ZNF407: variants seen among roughly 807,000 people sequenced by gnomAD.
The protein encoded by ZNF407 is zinc finger protein 407.
A neutral mutation model predicts 131.2 loss-of-function variants in ZNF407; 17 were observed. The ratio of observed to expected loss-of-function variants is 0.13; its 90% confidence interval spans 0.09 to 0.19. ZNF407 has a LOEUF of 0.19. Among genes scored for constraint, ZNF407 ranks in the 10% least tolerant of loss-of-function variants. ZNF407 has a pLI of 1.00. For missense variants in ZNF407, 2,681 were observed against 2,830.6 expected (o/e 0.95, Z 1.20); for synonymous variants, 1,156 against 1,062.0 (o/e 1.09, Z -1.72).
chr18:75,002,775 A>C (rs1162569983), intron 8 of ZNF407, among the ~76,000 whole-genome samples: 1 of 147,914 alleles, frequency 6.8e-6, no homozygotes, highest in Admixed American at 6.9e-5. Context: ...ACTGCACTCC[A>C]GCCTGGGCAA....
intron 4 of ZNF407, among the ~76,000 whole-genome samples, chr18:74,859,059 C>T (rs190101277): frequency 5.3e-4 from 80 of 152,026 alleles, no homozygotes; most frequent in African/African-American, 1.8e-3. Context: ...TATTGTACTC[C>T]GCAGTGTACG....
chr18:74,881,247 C>A, intron 6 of ZNF407, 128 bp downstream of exon 6: 1 of 693,508 alleles, frequency 1.4e-6, no homozygotes, highest in South Asian at 2.2e-5. Context: ...TGAAGGTCTA[C>A]AGATAATTCC....
chr18:74,830,409 A>T (rs548895550), intron 4 of ZNF407, among the ~76,000 whole-genome samples: 41 of 152,092 alleles, frequency 2.7e-4, no homozygotes, highest in Non-Finnish European at 5.4e-4. Flanking sequence ...CAGCCCCCTG[A>T]GTAGCTGTGA....
At chr18:74,858,389 T>G (rs561433893) in intron 4 of ZNF407, among the ~76,000 whole-genome samples, 75 of 152,294 alleles carry the variant, frequency 4.9e-4, no homozygotes, top group African/African-American at 1.4e-3. Context: ...TTCAGCTGAT[T>G]GTATTTATAG....
At chr18:74,831,036 C>T (rs1297760352) in intron 4 of ZNF407, among the ~76,000 whole-genome samples, 2 of 152,162 alleles carry the variant, frequency 1.3e-5, no homozygotes, top group African/African-American at 4.8e-5. Flanking sequence ...ACTTTCTGTT[C>T]CTGGCTTATT....
chr18:74,858,738 G>A (rs901779916), intron 4 of ZNF407, among the ~76,000 whole-genome samples: 1 of 152,000 alleles, frequency 6.6e-6, no homozygotes, highest in Admixed American at 6.6e-5. Flanking sequence ...TAAACATATA[G>A]CAATAAATTT....
intron 3 of ZNF407, among the ~76,000 whole-genome samples, chr18:74,695,418 C>G (rs1182871472): frequency 6.6e-6 from 1 of 152,012 alleles, no homozygotes; most frequent in Non-Finnish European, 1.5e-5. Flanking sequence ...CAATAGCGTT[C>G]TGGTTAATGT....
intron 3 of ZNF407, among the ~76,000 whole-genome samples, chr18:74,722,554 C>G (rs1210539573): frequency 6.6e-6 from 1 of 152,056 alleles, no homozygotes; most frequent in Admixed American, 6.6e-5. Context: ...TTTCTTCCTC[C>G]CTTCCTCACC....
chr18:74,644,176 T>C (rs1374596268), intron 3 of ZNF407, among the ~76,000 whole-genome samples: 1 of 146,656 alleles, frequency 6.8e-6, no homozygotes, highest in African/African-American at 2.5e-5. Flanking sequence ...TTTGGGGGAA[T>C]CTTTTTTTTT....
At chr18:74,900,942 A>G (rs984847714) in intron 7 of ZNF407, among the ~76,000 whole-genome samples, 2 of 152,292 alleles carry the variant, frequency 1.3e-5, no homozygotes, top group African/African-American at 4.8e-5. Flanking sequence ...TTCTAGAAAT[A>G]TGTAATTCTC....
rs200033322 is a variant in ZNF407, at chr18:74,634,705, A to G, written c.3686A>G (p.His1229Arg). Residue 1229 changes from histidine to arginine, a missense_variant, in exon 2 of 9, where the codon CAT (histidine) becomes CGT (arginine). Physicochemically the swap from His to Arg is conservative, Grantham distance 29. Around this residue, in one of 6 missense-constraint regions of ZNF407, gnomAD observed 1,789 missense variants for 1,748.7 expected, o/e 1.02. Coordinates refer to ENST00000299687, the MANE Select transcript of ZNF407 (RefSeq NM_017757.3). ...AATGATGCAGGTGAGCTGCGTGTCC[A>G]TTGTGAGGGTGAAGGAGGAAACGCA... ...ISNDAGELRV[H>R]CEGEGGNAGD... 8.4e-5 allele frequency: 136 copies of G among 1,614,038 alleles called. No individual in the cohort carries two copies. In the East Asian group the frequency reaches 1.4e-3, roughly 17 times the overall value.
At chr18:74,731,514 G>A (rs1968293865) in intron 3 of ZNF407, among the ~76,000 whole-genome samples, 1 of 152,116 alleles carries the variant, frequency 6.6e-6, no homozygotes, top group South Asian at 2.1e-4. Flanking sequence ...GCCTGTTGAG[G>A]TTAAACCCAC....
intron 4 of ZNF407, among the ~76,000 whole-genome samples, chr18:74,866,522 A>G (rs1971012629): frequency 6.6e-6 from 1 of 152,100 alleles, no homozygotes; most frequent in Admixed American, 6.6e-5. Context: ...TCCATTCTAA[A>G]TCTAGCATAT....
intron 2 of ZNF407, among the ~76,000 whole-genome samples, chr18:74,637,527 T>G (rs1984517528): frequency 6.6e-6 from 1 of 152,022 alleles, no homozygotes; most frequent in Admixed American, 6.6e-5. Flanking sequence ...CTTGTGTTGG[T>G]CTTATCAGGA....
At chr18:74,736,475 A>G (rs1968415014) in intron 3 of ZNF407, among the ~76,000 whole-genome samples, 1 of 152,200 alleles carries the variant, frequency 6.6e-6, no homozygotes, top group Non-Finnish European at 1.5e-5. Context: ...CTTATTACCT[A>G]GTGGGCTTCA....
intron 8 of ZNF407, among the ~76,000 whole-genome samples, chr18:74,937,932 G>A (rs1972056706): frequency 6.6e-6 from 1 of 152,106 alleles, no homozygotes; most frequent in Non-Finnish European, 1.5e-5. Flanking sequence ...ATTATACTTG[G>A]TAGACCTGGA....
In ZNF407 at chr18:74,634,214, A is replaced by G; in HGVS notation, c.3195A>G (p.Ala1065=). The change falls in exon 2 of 9, where the codon GCA becomes GCG. Residue 1065 remains alanine (A), a synonymous_variant. Transcript: ENST00000299687. ...CTCGTCGCGAGATGACCAGGCATGC[A>G]GCAACAGAGAAGCACAAAATGAAAA... ...AVTRREMTRH[A]ATEKHKMKRQ... 6.2e-7 allele frequency: 1 copy of G among 1,614,068 alleles called. No homozygotes were observed. The highest frequency in any genetic ancestry group is 8.5e-7 in the Non-Finnish European group (1 of 1,179,904).
intron 8 of ZNF407, among the ~76,000 whole-genome samples, chr18:75,036,116 C>T (rs577772177): frequency 3.3e-5 from 5 of 152,180 alleles, no homozygotes; most frequent in Non-Finnish European, 7.3e-5. Flanking sequence ...TGTAGTCATC[C>T]TTCACTGTGT....
At chr18:74,817,610 C>T (rs1386265367) in intron 4 of ZNF407, among the ~76,000 whole-genome samples, 1 of 152,036 alleles carries the variant, frequency 6.6e-6, no homozygotes, top group Non-Finnish European at 1.5e-5. Context: ...ATAAATTAGT[C>T]TCAAAATTAC....
Sources: allele counts gnomAD v4.1 joint callset (sites outside exome capture counted in the v4.1 genomes callset), GRCh38; gene constraint gnomAD v4.1.1; regional missense constraint gnomAD v4.1.1; transcripts MANE v1.5; gene names NCBI Gene and HGNC (gene_info 2026-07-23, HGNC 2026-07-21).